Variants in GUCY1A2 observed in about 807,000 individuals in gnomAD.
The protein encoded by GUCY1A2 is guanylate cyclase 1 soluble subunit alpha 2.
GUCY1A2 carries 27 observed loss-of-function variants against 63.5 expected under a neutral mutation model. That is an observed-to-expected ratio of 0.43 (90% CI 0.31 to 0.59). The LOEUF (loss-of-function observed/expected upper bound fraction) is 0.59, where lower values mean the gene tolerates loss of function less well. GUCY1A2 is among the 20% of genes least tolerant of loss of function. The pLI is 0.11. For synonymous variants in GUCY1A2, 364 were observed against 343.5 expected, an observed-to-expected ratio of 1.06 and a Z score of -0.66; for missense variants, 768 against 913.3, an observed-to-expected ratio of 0.84 and a Z score of 2.05.
intron 6 of GUCY1A2, among the ~76,000 whole-genome samples, chr11:106,771,175 A>G (rs1220937662): frequency 2.0e-5 from 3 of 152,112 alleles, no homozygotes; most frequent in African/African-American, 7.2e-5. Flanking sequence ...TCTCTAGTTA[A>G]TCCTTGACCC....
Position 106,810,282 on chromosome 11 carries a change from C to G in GUCY1A2, c.1403G>C (p.Arg468Thr). ...TAAAGTTGCCTTTAATTTATCCATC[C>G]TTTTCTTCAACCCATCTTGGGCCTT... ...QAKAQDGLKK[R>T]MDKLKATLER... The change falls in exon 5 of 8, where the codon AGG (arginine) becomes ACG (threonine). Residue 468 changes from arginine (R) to threonine (T), a missense_variant. This residue lies in a region of GUCY1A2 where 122 missense variants were observed against 238.1 expected (regional missense o/e 0.51). Coordinates refer to ENST00000526355, the MANE Select transcript of GUCY1A2 (RefSeq NM_000855.3). The G allele has an allele frequency of 1.2e-6, 2 of 1,613,878 alleles. No individual in the cohort carries two copies. The highest frequency in any genetic ancestry group is 1.7e-6 in the Non-Finnish European group (2 of 1,179,888).
intron 4 of GUCY1A2, among the ~76,000 whole-genome samples, chr11:106,811,788 C>T (rs1206919944): frequency 6.6e-6 from 1 of 151,952 alleles, no homozygotes; most frequent in Non-Finnish European, 1.5e-5. Flanking sequence ...TTATATTACT[C>T]TTATTTATTC....
At chr11:106,744,388 A>G (rs934491907) in intron 6 of GUCY1A2, among the ~76,000 whole-genome samples, 4 of 152,114 alleles carry the variant, frequency 2.6e-5, no homozygotes, top group Admixed American at 2.0e-4. Context: ...CTGGGACTAC[A>G]GGCACCCACC....
At chr11:106,880,918 G>A (rs547462784) in intron 4 of GUCY1A2, among the ~76,000 whole-genome samples, 2 of 152,230 alleles carry the variant, frequency 1.3e-5, no homozygotes, top group South Asian at 4.1e-4. Flanking sequence ...CAGTAGAAAG[G>A]AAGCAGAGAG....
In GUCY1A2 at chr11:106,725,383, G is replaced by A. The variant is rs542610656; in HGVS notation, c.1837-16717C>T. Among the ~76,000 whole-genome samples, 11 of 47,252 alleles carry A rather than the reference G, an allele frequency of 2.3e-4. 1 individual carries two copies. The East Asian group carries it at 2.4e-3, about 10-fold the overall frequency. 31.0% of individuals were successfully genotyped at this position (47,252 alleles called of 152,430 possible). On this transcript the variant is annotated intron_variant, in intron 6 of 7. Coordinates refer to ENST00000526355, the MANE Select transcript of GUCY1A2 (RefSeq NM_000855.3). ...GAGACGGGGTTTCACCGTTTTAGCC[G>A]GGATGGTCTCGATCTCCTGACCTCG...
At chr11:106,700,328 C>T (rs1862797389) in intron 7 of GUCY1A2, among the ~76,000 whole-genome samples, 1 of 151,962 alleles carries the variant, frequency 6.6e-6, no homozygotes, top group Admixed American at 6.6e-5. Flanking sequence ...TCCCCCTACC[C>T]CCAAAAAAGA....
chr11:106,802,780 A>G (rs1319864869), intron 5 of GUCY1A2, among the ~76,000 whole-genome samples: 1 of 152,118 alleles, frequency 6.6e-6, no homozygotes, highest in African/African-American at 2.4e-5. Flanking sequence ...TCTTCTTATA[A>G]TGATGCTAAT....
intron 2 of GUCY1A2, among the ~76,000 whole-genome samples, chr11:106,985,473 G>A (rs1861389483): frequency 6.6e-6 from 1 of 152,100 alleles, no homozygotes; most frequent in Non-Finnish European, 1.5e-5. Context: ...CCTTGATTTA[G>A]TTATTATTAT....
At chr11:106,892,318 C>G (rs1859985369) in intron 4 of GUCY1A2, among the ~76,000 whole-genome samples, 1 of 152,034 alleles carries the variant, frequency 6.6e-6, no homozygotes, top group Non-Finnish European at 1.5e-5. Flanking sequence ...AATGCTATCT[C>G]TCATTTTCAG....
At chr11:106,819,126 A>G (rs1858868579) in intron 4 of GUCY1A2, among the ~76,000 whole-genome samples, 1 of 152,182 alleles carries the variant, frequency 6.6e-6, no homozygotes, top group Admixed American at 6.6e-5. Context: ...GATGTGGCTG[A>G]ATTGCTGCAA....
intron 6 of GUCY1A2, among the ~76,000 whole-genome samples, chr11:106,763,926 CA>C (rs1330063579): frequency 1.3e-5 from 2 of 151,974 alleles, no homozygotes; most frequent in Non-Finnish European, 2.9e-5. Context: ...ATAATATGTC[CA>C]AAAAAGCAAA....
chr11:106,694,461 C>T (rs61903150), intron 7 of GUCY1A2, among the ~76,000 whole-genome samples: 14,196 of 152,246 alleles, frequency 0.093, 895 homozygotes, highest in Non-Finnish European at 0.14. Flanking sequence ...AATTATTAGG[C>T]TCCTAAAATA....
chr11:106,904,750 A>G (rs1454124470), intron 4 of GUCY1A2, among the ~76,000 whole-genome samples: 2 of 151,968 alleles, frequency 1.3e-5, no homozygotes, highest in African/African-American at 4.8e-5. Flanking sequence ...AATATATTCA[A>G]TCTGAGAGTG....
chr11:106,786,063 C>T (rs561393840), intron 5 of GUCY1A2, among the ~76,000 whole-genome samples: 156 of 152,252 alleles, frequency 1.0e-3, no homozygotes, highest in Non-Finnish European at 2.0e-3. Flanking sequence ...CACATGCACA[C>T]ACGTACACAC....
intron 5 of GUCY1A2, among the ~76,000 whole-genome samples, chr11:106,776,847 C>T (rs544359916): frequency 2.6e-5 from 4 of 152,080 alleles, no homozygotes; most frequent in Middle Eastern, 3.4e-3. Context: ...AATAATTATC[C>T]CCCACGAAAA....
At chr11:106,900,635 C>T (rs1409349807) in intron 4 of GUCY1A2, among the ~76,000 whole-genome samples, 1 of 152,080 alleles carries the variant, frequency 6.6e-6, no homozygotes, top group East Asian at 1.9e-4. Context: ...TTCTATATAT[C>T]CAGTTTTTCT....
At chr11:106,742,035 T>C (rs548156462) in intron 6 of GUCY1A2, among the ~76,000 whole-genome samples, 2 of 152,330 alleles carry the variant, frequency 1.3e-5, no homozygotes, top group South Asian at 4.1e-4. Context: ...GACCCCACTA[T>C]ACCTACTTAG....
At chr11:106,738,987 T>G (rs906689469) in intron 6 of GUCY1A2, among the ~76,000 whole-genome samples, 1 of 152,206 alleles carries the variant, frequency 6.6e-6, no homozygotes, top group Non-Finnish European at 1.5e-5. Flanking sequence ...TTGGGCAGTA[T>G]GGCCATTTTC....
At chr11:106,953,934 C>T (rs1472074959) in intron 3 of GUCY1A2, among the ~76,000 whole-genome samples, 1 of 151,856 alleles carries the variant, frequency 6.6e-6, no homozygotes, top group Non-Finnish European at 1.5e-5. Flanking sequence ...AGCTATTGGT[C>T]TATCTATTTT....
Sources: allele counts gnomAD v4.1 joint callset (sites outside exome capture counted in the v4.1 genomes callset), GRCh38; gene constraint gnomAD v4.1.1; regional missense constraint gnomAD v4.1.1; transcripts MANE v1.5; gene names NCBI Gene and HGNC (gene_info 2026-07-23, HGNC 2026-07-21).